The following TACC1 variants were observed in gnomAD, a reference collection of about 807,000 sequenced individuals.
The protein encoded by TACC1 is transforming acidic coiled-coil containing protein 1, also known as transforming acidic coiled-coil-containing protein 1.
In TACC1, 48 loss-of-function variants were observed where a neutral mutation model predicts 84.4. The observed-to-expected ratio is 0.57, with a 90% CI of 0.45 to 0.72. The LOEUF (loss-of-function observed/expected upper bound fraction) is 0.72, where lower values mean the gene tolerates loss of function less well. Among genes scored for constraint, TACC1 ranks in the 30% least tolerant of loss-of-function variants. The pLI is 0.00. For synonymous variants in TACC1, 372 were observed against 376.3 expected (o/e 0.99, Z 0.13); for missense variants, 920 against 973.0 (o/e 0.95, Z 0.72).
At chr8:38,733,929 G>T (rs996308768) in intron 1 of TACC1, among the ~76,000 whole-genome samples, 3 of 152,188 alleles carry the variant, frequency 2.0e-5, no homozygotes, top group Non-Finnish European at 4.4e-5. Context: ...TTTTTAAAAT[G>T]TTGGAATTCG....
exon 3 of TACC1, chr8:38,745,368 C>G: frequency 1.7e-6 from 1 of 603,748 alleles, no homozygotes; most frequent in Non-Finnish European, 2.9e-6. Flanking sequence ...ACCTAGCATT[C>G]ATCATATCCA....
At chr8:38,762,731 AT>A (rs1355454988) in intron 3 of TACC1, among the ~76,000 whole-genome samples, 1 of 151,892 alleles carries the variant, frequency 6.6e-6, no homozygotes, top group African/African-American at 2.4e-5. Context: ...TAAATTTTTT[AT>A]TTTTAGCAGA....
In TACC1 at chr8:38,817,622, G is replaced by A. The variant is rs533972158; in HGVS notation, c.278-1900G>A. 1.9e-4 allele frequency among the ~76,000 whole-genome samples: 29 copies of A among 152,028 alleles called. 1 individual carries two copies. The South Asian group carries it at 4.8e-3, about 25-fold the overall frequency. On this transcript the variant is annotated intron_variant, in intron 2 of 12. Coordinates refer to ENST00000317827, the MANE Select transcript of TACC1 (RefSeq NM_006283.3). ...AATTCTGATTATGAAGCACTGAGAC[G>A]TTTTAACACATTTTAGTATTAATAA...
Position 38,782,015 on chromosome 8 carries a change from CT to C in TACC1, c.27-6680del, listed in dbSNP as rs1199562818. The stretch of plus-strand genomic sequence containing the variant: ...TTTTATTATTTTTTTTTGCAGATTT[CT>C]TTTTTTTTCTTTTATTATTATACTT... On this transcript the variant is annotated intron_variant, in intron 3 of 14. Coordinates refer to the TACC1 transcript ENST00000518415. Among the ~76,000 whole-genome samples, 309 of 136,420 alleles carry C rather than the reference CT, an allele frequency of 2.3e-3. 1 individual carries two copies. Among genetic ancestry groups the C allele is most frequent in the African/African-American group, 7.3e-3 (275 of 37,856 alleles). The allele number at this position is 136,420 out of a possible 152,430, so 89.5% of individuals were successfully genotyped here.
intron 2 of TACC1, among the ~76,000 whole-genome samples, chr8:38,800,518 T>G (rs1821100823): frequency 6.6e-6 from 1 of 152,234 alleles, no homozygotes; most frequent in Non-Finnish European, 1.5e-5. Flanking sequence ...GTAGAATATG[T>G]AGTCTTGTAT....
At chr8:38,822,906 CTG>C (rs1827196289) in intron 3 of TACC1, among the ~76,000 whole-genome samples, 1 of 152,132 alleles carries the variant, frequency 6.6e-6, no homozygotes, top group South Asian at 2.1e-4. Context: ...TGGCACCTGA[CTG>C]TATATCCTTT....
At position 38,849,746 on chromosome 8, in the gene TACC1, C is replaced by G. The variant is rs186962738; in HGVS notation, c.*1723C>G. Reference sequence around the variant, plus strand: ...TGTATATTCAAGCCTGTTGTCTTAACATTTTGTATAAAAAAGAACAACAGA... The same window carrying G: ...TGTATATTCAAGCCTGTTGTCTTAAGATTTTGTATAAAAAAGAACAACAGA... On this transcript the variant is annotated 3_prime_UTR_variant, in exon 13 of 13. Transcript: ENST00000317827. 6.9e-4 allele frequency: 105 copies of G among 152,722 alleles called. No individual in the cohort carries two copies. Among genetic ancestry groups the G allele is most frequent in the African/African-American group, 2.1e-3 (87 of 41,550 alleles). The allele number at this position is 152,722 out of a possible 1,614,324, so 9.5% of individuals were successfully genotyped here.
intron 1 of TACC1, among the ~76,000 whole-genome samples, chr8:38,729,181 T>G (rs928910371): frequency 3.9e-5 from 6 of 152,142 alleles, no homozygotes; most frequent in African/African-American, 7.2e-5. Context: ...CATGTATTCT[T>G]CTGGCCCAGA....
intron 5 of TACC1, among the ~76,000 whole-genome samples, chr8:38,830,774 A>T (rs1829050581): frequency 6.6e-6 from 1 of 150,600 alleles, no homozygotes; most frequent in African/African-American, 2.4e-5. Flanking sequence ...CTTGATGATT[A>T]AAAAAAAGCA....
intron 3 of TACC1, among the ~76,000 whole-genome samples, chr8:38,749,885 T>A (rs752825361): frequency 6.6e-6 from 1 of 152,166 alleles, no homozygotes; most frequent in Non-Finnish European, 1.5e-5. Context: ...CCACCGCGCC[T>A]GGCCAATGCA....
intron 1 of TACC1, among the ~76,000 whole-genome samples, chr8:38,740,643 C>T (rs540538727): frequency 6.6e-6 from 1 of 152,320 alleles, no homozygotes; most frequent in African/African-American, 2.4e-5. Flanking sequence ...GAAATGTCTC[C>T]TCCCTGTGGA....
Position 38,840,239 on chromosome 8 carries a change from A to G in TACC1, c.1932A>G (p.Glu644=). ...EVLEMRKIVA[E]YEKTIAQMIE... ...TCTCATTTAGGAAAATTGTAGCTGA[A>G]TATGAAAAGACTATTGCTCAAATGA... is the stretch of plus-strand genomic sequence containing the variant. Residue 644 remains glutamate (E), a synonymous_variant, in exon 9 of 13, where the codon GAA becomes GAG. Transcript: ENST00000317827. 6.2e-7 allele frequency: 1 copy of G among 1,610,650 alleles called. No individual in the cohort carries two copies.
Position 38,778,274 on chromosome 8 carries a change from T to TTGTGTGTGTGTGTG in TACC1, c.27-10420_27-10407dup, listed in dbSNP as rs3076914. ...TGCTTTTTTATCTTAATAATTAAAATTGTGTGTGTGTGTGTGTGTGTGTAT... is the reference window on the plus strand; with the variant it reads ...TGCTTTTTTATCTTAATAATTAAAATTGTGTGTGTGTGTGTGTGTGTGTGTGTGTGTGTGTGTAT... On this transcript the variant is annotated intron_variant, in intron 3 of 14. Coordinates refer to the TACC1 transcript ENST00000518415. 2.7e-3 allele frequency among the ~76,000 whole-genome samples: 394 copies of TTGTGTGTGTGTGTG among 148,358 alleles called. 6 individuals are homozygous for TTGTGTGTGTGTGTG. Among genetic ancestry groups the TTGTGTGTGTGTGTG allele is most frequent in the African/African-American group, 9.3e-3 (378 of 40,452 alleles).
upstream of TACC1, chr8:38,787,173 G>A (rs1194285342): frequency 3.0e-6 from 3 of 985,178 alleles, no homozygotes; most frequent in Non-Finnish European, 3.6e-6. Context: ...ACGGTCCGAG[G>A]GGGCGGCTTC....
At chr8:38,782,318 A>G (rs1413013341), upstream of TACC1, among the ~76,000 whole-genome samples, 1 of 151,968 alleles carries the variant, frequency 6.6e-6, no homozygotes, top group African/African-American at 2.4e-5. Flanking sequence ...ATGATTTCCA[A>G]TTTCATCCAT....
chr8:38,763,261 C>A (rs1455531864), intron 3 of TACC1, among the ~76,000 whole-genome samples: 1 of 152,022 alleles, frequency 6.6e-6, no homozygotes, highest in Non-Finnish European at 1.5e-5. Context: ...ACAATCCTCA[C>A]ACCATAGCCT....
chr8:38,761,564 G>A (rs1024291864), intron 3 of TACC1, among the ~76,000 whole-genome samples: 1 of 152,216 alleles, frequency 6.6e-6, no homozygotes, highest in Non-Finnish European at 1.5e-5. Flanking sequence ...TGGGACACAT[G>A]TCCCTGACAC....
At chr8:38,781,578 G>T (rs1053221594) in intron 3 of TACC1, among the ~76,000 whole-genome samples, 1 of 151,848 alleles carries the variant, frequency 6.6e-6, no homozygotes, top group Non-Finnish European at 1.5e-5. Context: ...ACGGGGTTTC[G>T]CCGTGTTGGC....
rs369247061 is a variant in TACC1, at chr8:38,851,918, T to C, written c.*3895T>C. 4.2e-5 allele frequency: 19 copies of C among 452,484 alleles called. No individual in the cohort carries two copies. The highest frequency in any genetic ancestry group is 2.0e-4 in the African/African-American group (10 of 49,878). 28.0% of individuals were successfully genotyped at this position (452,484 alleles called of 1,614,324 possible). On this transcript the variant is annotated 3_prime_UTR_variant, in exon 13 of 13. Transcript: ENST00000317827. ...AATAAAGAAGTATTTCGAGGAGATA[T>C]CTGTCCAAAAAGGTTTGACTGGCCT... is the stretch of plus-strand genomic sequence containing the variant.
Sources: allele counts gnomAD v4.1 joint callset (sites outside exome capture counted in the v4.1 genomes callset), GRCh38; gene constraint gnomAD v4.1.1; transcripts MANE v1.5; gene names NCBI Gene and HGNC (gene_info 2026-07-23, HGNC 2026-07-21).